The following PCDH9 variants were observed in gnomAD, a reference collection of about 807,000 sequenced individuals.
The protein encoded by PCDH9 is protocadherin 9.
In PCDH9, 24 loss-of-function variants were observed where a neutral mutation model predicts 70.6. That is an observed-to-expected ratio of 0.34 (90% CI 0.25 to 0.48). The LOEUF (loss-of-function observed/expected upper bound fraction) is 0.48, where lower values mean the gene tolerates loss of function less well. Ranked by LOEUF, PCDH9 falls within the 20% of genes least tolerant of loss-of-function variation. The pLI, the probability that PCDH9 is intolerant of heterozygous loss-of-function variation, is 0.99. For synonymous variants in PCDH9, 562 were observed against 558.5 expected (o/e 1.01, Z -0.09); for missense variants, 1,281 against 1,503.6 (o/e 0.85, Z 2.45).
At chr13:67,114,667 C>CT (rs2086724888) in intron 2 of PCDH9, among the ~76,000 whole-genome samples, 1 of 152,154 alleles carries the variant, frequency 6.6e-6, no homozygotes, top group African/African-American at 2.4e-5. Context: ...TTTACATCCA[C>CT]TCCAGAACTG....
chr13:66,904,613 C>T lies in PCDH9; in HGVS notation c.3037-1008G>A, dbSNP rs571303302. On this transcript the variant is annotated intron_variant, in intron 2 of 4. Coordinates refer to ENST00000377865, the MANE Select transcript of PCDH9 (RefSeq NM_203487.3). ...TTACAAGCAAAGAGACTATTCTTTT[C>T]AAAACTAGTATGCCATGTTTCCTAT... is the stretch of plus-strand genomic sequence containing the variant. Among the ~76,000 whole-genome samples, 3 of 151,948 alleles carry T rather than the reference C, an allele frequency of 2.0e-5. No individual in the cohort carries two copies. The East Asian group carries it at 5.8e-4, about 29-fold the overall frequency.
At position 66,974,405 on chromosome 13, in the gene PCDH9, G is replaced by A. The variant is rs967182164; in HGVS notation, c.3037-70800C>T. On this transcript the variant is annotated intron_variant, in intron 2 of 4. Coordinates refer to ENST00000377865, the MANE Select transcript of PCDH9 (RefSeq NM_203487.3). The stretch of plus-strand genomic sequence containing the variant: ...TTTTCAGAGTCACTCTAATGCCTAC[G>A]TGGTTCAAGTTTCAGCTTTCAACTA... 3.4e-4 allele frequency among the ~76,000 whole-genome samples: 51 copies of A among 151,904 alleles called. 1 individual carries two copies. The highest frequency in any genetic ancestry group is 1.2e-3 in the African/African-American group (49 of 41,434).
Position 66,303,334 on chromosome 13 carries a change from G to A in PCDH9, c.*1321C>T, listed in dbSNP as rs546441084. 6.6e-6 allele frequency: 1 copy of A among 152,510 alleles called. No homozygotes were observed. Among genetic ancestry groups the A allele is most frequent in the African/African-American group, 2.4e-5 (1 of 41,518 alleles). 9.4% of individuals were successfully genotyped at this position (152,510 alleles called of 1,614,324 possible). On this transcript the variant is annotated 3_prime_UTR_variant, in exon 5 of 5. Transcript: ENST00000377865. ...TTGTCACTTTATTGGTTTGACCTAAGTGACAATATGCTGGTACCTGCCAGG... is the reference window on the plus strand; with the variant it reads ...TTGTCACTTTATTGGTTTGACCTAAATGACAATATGCTGGTACCTGCCAGG...
chr13:66,555,907 T>G (rs1419263693), intron 4 of PCDH9, among the ~76,000 whole-genome samples: 1 of 148,192 alleles, frequency 6.7e-6, no homozygotes, highest in African/African-American at 2.4e-5. Context: ...ATATATAAGA[T>G]ATATACATAT....
intron 2 of PCDH9, among the ~76,000 whole-genome samples, chr13:67,104,573 G>A (rs2138249396): frequency 6.6e-6 from 1 of 151,554 alleles, no homozygotes; most frequent in South Asian, 2.1e-4. Flanking sequence ...TTTTGAGACG[G>A]AGTCTCGCTC....
intron 4 of PCDH9, among the ~76,000 whole-genome samples, chr13:66,595,056 C>CACACACACAA (rs2077086063): frequency 6.6e-6 from 1 of 151,054 alleles, no homozygotes; most frequent in African/African-American, 2.4e-5. Context: ...TAAGTGCACA[C>CACACACACAA]ACACACACAA....
At chr13:66,392,184 A>T (rs184764502) in intron 4 of PCDH9, among the ~76,000 whole-genome samples, 201 of 151,872 alleles carry the variant, frequency 1.3e-3, no homozygotes, top group Non-Finnish European at 1.9e-3. Context: ...TTAGGAAGTG[A>T]CTGGAGAAAA....
At chr13:67,185,383 A>G (rs1234620309) in intron 2 of PCDH9, among the ~76,000 whole-genome samples, 3 of 152,196 alleles carry the variant, frequency 2.0e-5, no homozygotes, top group African/African-American at 7.2e-5. Flanking sequence ...AAATGCATTA[A>G]TATTGTACTA....
At chr13:67,180,249 A>T (rs1342431310) in intron 2 of PCDH9, among the ~76,000 whole-genome samples, 1 of 152,202 alleles carries the variant, frequency 6.6e-6, no homozygotes. Context: ...GGAAAATGAA[A>T]GAATAGACTG....
In PCDH9 at chr13:66,603,277, A is replaced by G. The variant is rs183488103; in HGVS notation, c.3340+27933T>C. On this transcript the variant is annotated intron_variant, in intron 4 of 4. Transcript: ENST00000377865. ...TAGAGCTTAGTTAATCAGAGAAGAGATTAGCTGCTTTTTAACTTAAAGAAT... is the reference window on the plus strand; with the variant it reads ...TAGAGCTTAGTTAATCAGAGAAGAGGTTAGCTGCTTTTTAACTTAAAGAAT... Among the ~76,000 whole-genome samples the G allele has an allele frequency of 1.2e-4, 14 of 113,712 alleles. No individual in the cohort carries two copies. The East Asian group carries it at 2.5e-3, about 20-fold the overall frequency. The allele number at this position is 113,712 out of a possible 152,430, so 74.6% of individuals were successfully genotyped here.
At chr13:66,446,999 C>T (rs1224982201) in intron 4 of PCDH9, among the ~76,000 whole-genome samples, 1 of 151,970 alleles carries the variant, frequency 6.6e-6, no homozygotes, top group East Asian at 1.9e-4. Context: ...AGCCATTTAG[C>T]TTGTTCATAA....
chr13:66,485,151 A>T (rs1958917068), intron 4 of PCDH9, among the ~76,000 whole-genome samples: 1 of 152,242 alleles, frequency 6.6e-6, no homozygotes, highest in Non-Finnish European at 1.5e-5. Context: ...GAAAACTTGA[A>T]GCATAGCTTG....
chr13:67,122,482 G>A (rs1413762595), intron 2 of PCDH9, among the ~76,000 whole-genome samples: 1 of 151,748 alleles, frequency 6.6e-6, no homozygotes, highest in East Asian at 1.9e-4. Context: ...CATATAAAAA[G>A]GAAATAATCC....
At chr13:66,735,150 C>A (rs1005738721) in intron 3 of PCDH9, among the ~76,000 whole-genome samples, 3 of 152,144 alleles carry the variant, frequency 2.0e-5, no homozygotes, top group African/African-American at 7.2e-5. Flanking sequence ...ATTGACTTCT[C>A]AAAATTTCAA....
chr13:67,020,073 A>G (rs1028578473), intron 2 of PCDH9, among the ~76,000 whole-genome samples: 1 of 152,140 alleles, frequency 6.6e-6, no homozygotes, highest in Non-Finnish European at 1.5e-5. Flanking sequence ...AATATTTTAC[A>G]TTTCAGAATG....
chr13:66,309,702 T>A (rs2138060862), intron 4 of PCDH9, among the ~76,000 whole-genome samples: 1 of 151,974 alleles, frequency 6.6e-6, no homozygotes, highest in South Asian at 2.1e-4. Context: ...TAATATTTGT[T>A]TTTCATTCAT....
intron 4 of PCDH9, among the ~76,000 whole-genome samples, chr13:66,523,137 G>A (rs751331244): frequency 3.3e-5 from 5 of 150,658 alleles, no homozygotes; most frequent in Non-Finnish European, 5.9e-5. Context: ...ATTCTTGAAA[G>A]TTCAATCATT....
intron 2 of PCDH9, among the ~76,000 whole-genome samples, chr13:67,004,066 T>A (rs531905621): frequency 6.6e-6 from 1 of 152,232 alleles, no homozygotes; most frequent in South Asian, 2.1e-4. Flanking sequence ...AAAACATCCC[T>A]ATTATGTAGT....
chr13:66,566,745 T>A (rs754826469), intron 4 of PCDH9, among the ~76,000 whole-genome samples: 51,974 of 151,950 alleles, frequency 0.34, 9,294 homozygotes, highest in African/African-American at 0.44. Flanking sequence ...AGGGCCCGTC[T>A]TGATGGTCAA....
Sources: allele counts gnomAD v4.1 joint callset (sites outside exome capture counted in the v4.1 genomes callset), GRCh38; gene constraint gnomAD v4.1.1; transcripts MANE v1.5; gene names NCBI Gene and HGNC (gene_info 2026-07-23, HGNC 2026-07-21).